The following MAGI2 variants were observed in gnomAD, a reference collection of about 807,000 sequenced individuals.
MAGI2 encodes membrane associated guanylate kinase, WW and PDZ domain containing 2, also known as membrane-associated guanylate kinase, WW and PDZ domain-containing protein 2.
A neutral mutation model predicts 133.3 loss-of-function variants in MAGI2; 35 were observed. The observed-to-expected ratio is 0.26, with a 90% confidence interval of 0.20 to 0.35. MAGI2 has a LOEUF of 0.35. Among genes scored for constraint, MAGI2 ranks in the 10% least tolerant of loss-of-function variants. The probability of loss-of-function intolerance (pLI) is 1.00; values close to 1 mark genes in which losing one functional copy is unlikely to be tolerated. For missense variants in MAGI2, 1,636 were observed against 1,863.4 expected (o/e 0.88, Z 2.25); for synonymous variants, 729 against 710.6 (o/e 1.03, Z -0.41).
chr7:79,089,360 T>G (rs1473574515), intron 1 of MAGI2, among the ~76,000 whole-genome samples: 2 of 151,984 alleles, frequency 1.3e-5, no homozygotes, highest in East Asian at 1.9e-4. Flanking sequence ...GTAGTAGGAG[T>G]GCAAATTAGT....
intron 9 of MAGI2, among the ~76,000 whole-genome samples, chr7:78,310,263 C>T (rs1421875962): frequency 6.6e-6 from 1 of 151,890 alleles, no homozygotes; most frequent in Non-Finnish European, 1.5e-5. Flanking sequence ...GGTGAAACCC[C>T]GTCTCTACTA....
intron 1 of MAGI2, among the ~76,000 whole-genome samples, chr7:79,044,882 C>A (rs1036209950): frequency 5.9e-5 from 9 of 152,174 alleles, no homozygotes; most frequent in African/African-American, 2.2e-4. Flanking sequence ...TAAATTTATA[C>A]ATGCATTTAC....
intron 2 of MAGI2, among the ~76,000 whole-genome samples, chr7:78,982,665 C>T (rs1023329113): frequency 2.6e-5 from 4 of 151,800 alleles, no homozygotes; most frequent in African/African-American, 9.7e-5. Flanking sequence ...CACAAAATCC[C>T]CTCTAACCAT....
rs1323827275 is a variant in MAGI2 at position 79,249,184 on chromosome 7, G to A, written c.301+203836C>T. ...AAATGCAGCAAAATCAGTACTAATA[G>A]AAAAGTTTATGGCGATAAGTACCTG... is the stretch of plus-strand genomic sequence containing the variant. On this transcript the variant is annotated intron_variant, in intron 1 of 21. Coordinates refer to ENST00000354212, the MANE Select transcript of MAGI2 (RefSeq NM_012301.4). Among the ~76,000 whole-genome samples, 3 of 152,048 alleles carry A rather than the reference G, an allele frequency of 2.0e-5. No individual in the cohort carries two copies. In the East Asian group the frequency reaches 5.8e-4, roughly 29 times the overall value.
At chr7:78,743,274 C>T (rs920067477) in intron 2 of MAGI2, among the ~76,000 whole-genome samples, 3 of 152,158 alleles carry the variant, frequency 2.0e-5, no homozygotes, top group African/African-American at 7.2e-5. Context: ...AAAGGAACTA[C>T]TGTTTAATAA....
At chr7:78,939,696 G>T (rs755690041) in intron 2 of MAGI2, among the ~76,000 whole-genome samples, 5 of 152,112 alleles carry the variant, frequency 3.3e-5, no homozygotes, top group Non-Finnish European at 7.4e-5. Flanking sequence ...GTGGGATGGG[G>T]ATCTCTCAAT....
At chr7:78,916,567 C>T (rs1039581254) in intron 2 of MAGI2, among the ~76,000 whole-genome samples, 13 of 151,958 alleles carry the variant, frequency 8.6e-5, no homozygotes, top group African/African-American at 1.2e-4. Flanking sequence ...ATGAAAGTTT[C>T]GCAGAGGAGG....
At chr7:78,486,890 C>A (rs1364772028) in intron 6 of MAGI2, 3 of 512,686 alleles carry the variant, frequency 5.9e-6, no homozygotes, top group South Asian at 1.4e-5. Context: ...CAGATCATTT[C>A]AAATCTTTGT....
intron 1 of MAGI2, among the ~76,000 whole-genome samples, chr7:79,102,268 CT>C (rs995997601): frequency 2.3e-4 from 35 of 152,148 alleles, no homozygotes; most frequent in African/African-American, 7.7e-4. Flanking sequence ...ATGTTGCCAA[CT>C]TTTTTTGCTC....
At chr7:78,349,326 A>G (rs1434559232) in intron 7 of MAGI2, among the ~76,000 whole-genome samples, 2 of 152,220 alleles carry the variant, frequency 1.3e-5, no homozygotes, top group African/African-American at 2.4e-5. Context: ...TAAGAAACCA[A>G]GAAACAGCTT....
chr7:78,046,284 C>A (rs927547063), intron 21 of MAGI2, among the ~76,000 whole-genome samples: 1 of 151,618 alleles, frequency 6.6e-6, no homozygotes, highest in African/African-American at 2.4e-5. Flanking sequence ...CATGTGTAAT[C>A]CCAGCTACTC....
At chr7:78,717,562 C>G (rs933939426) in intron 2 of MAGI2, among the ~76,000 whole-genome samples, 1 of 152,096 alleles carries the variant, frequency 6.6e-6, no homozygotes, top group African/African-American at 2.4e-5. Context: ...GTGAAAATAT[C>G]GGAGCCCCAA....
chr7:78,403,686 G>C (rs945280157), intron 6 of MAGI2, among the ~76,000 whole-genome samples: 3 of 151,978 alleles, frequency 2.0e-5, no homozygotes, highest in Non-Finnish European at 2.9e-5. Context: ...TTTAATGATT[G>C]TCATTCTAAC....
intron 2 of MAGI2, among the ~76,000 whole-genome samples, chr7:78,715,872 A>G (rs1585174496): frequency 3.3e-5 from 2 of 60,116 alleles, no homozygotes; most frequent in Non-Finnish European, 8.0e-5. Flanking sequence ...CAGAAGAGAC[A>G]CCTACTGAAG....
intron 9 of MAGI2, among the ~76,000 whole-genome samples, chr7:78,261,457 C>G (rs980760229): frequency 6.6e-6 from 1 of 152,090 alleles, no homozygotes; most frequent in Non-Finnish European, 1.5e-5. Flanking sequence ...GACTTTGTTC[C>G]TTTGTGTGAG....
chr7:78,147,494 C>T (rs1167734694), intron 16 of MAGI2, among the ~76,000 whole-genome samples: 1 of 150,212 alleles, frequency 6.7e-6, no homozygotes, highest in Admixed American at 6.6e-5. Flanking sequence ...TATACATTTC[C>T]ATAATTTTAT....
intron 3 of MAGI2, among the ~76,000 whole-genome samples, chr7:78,568,572 C>T (rs1212900570): frequency 6.6e-6 from 1 of 152,006 alleles, no homozygotes; most frequent in Non-Finnish European, 1.5e-5. Flanking sequence ...GTAATTCTGT[C>T]ATTGTATTTT....
At chr7:78,232,017 C>T (rs1487744306) in intron 10 of MAGI2, among the ~76,000 whole-genome samples, 1 of 151,646 alleles carries the variant, frequency 6.6e-6, no homozygotes, top group Non-Finnish European at 1.5e-5. Context: ...GTGGGATGGC[C>T]TTGACTCAGG....
chr7:78,203,770 T>C (rs1436595928), intron 10 of MAGI2, among the ~76,000 whole-genome samples: 1 of 152,252 alleles, frequency 6.6e-6, no homozygotes, highest in Non-Finnish European at 1.5e-5. Flanking sequence ...ATTAATCATG[T>C]TACAAACATT....
Sources: gnomAD v4.1 joint callset for allele counts (sites outside exome capture counted in the v4.1 genomes callset) on GRCh38, gnomAD v4.1.1 for gene constraint, MANE v1.5 for transcripts, NCBI Gene and HGNC (gene_info 2026-07-23, HGNC 2026-07-21) for gene names.